Variants in DSCAM observed in about 807,000 individuals in gnomAD.
DSCAM encodes cell adhesion molecule DSCAM.
Under a neutral mutation model 217.7 loss-of-function variants are expected in DSCAM, and 47 were observed. The ratio of observed to expected loss-of-function variants is 0.22; its 90% CI spans 0.17 to 0.28. The LOEUF is 0.28. Ranked by LOEUF, DSCAM falls within the 10% of genes least tolerant of loss-of-function variation. The pLI, the probability that DSCAM is intolerant of heterozygous loss-of-function variation, is 1.00. For missense variants in DSCAM, 2,080 were observed against 2,618.3 expected (o/e 0.79, Z 4.49); for synonymous variants, 1,056 against 1,015.3 (o/e 1.04, Z -0.76).
At chr21:40,256,745 C>T (rs372973270) in intron 11 of DSCAM, among the ~76,000 whole-genome samples, 12 of 152,172 alleles carry the variant, frequency 7.9e-5, no homozygotes, top group Admixed American at 2.0e-4. Flanking sequence ...ACCTTCACAG[C>T]GACATCTAGG....
At chr21:40,228,119 C>T (rs576601365) in intron 11 of DSCAM, among the ~76,000 whole-genome samples, 8 of 152,178 alleles carry the variant, frequency 5.3e-5, no homozygotes, top group East Asian at 3.9e-4. Context: ...GGGCAAACTA[C>T]GGAGGTAAAG....
chr21:40,720,376 C>T (rs1239284327), intron 1 of DSCAM, among the ~76,000 whole-genome samples: 1 of 152,136 alleles, frequency 6.6e-6, no homozygotes, highest in Non-Finnish European at 1.5e-5. Flanking sequence ...TCATCTCGAT[C>T]AGACAATCAC....
intron 1 of DSCAM, among the ~76,000 whole-genome samples, chr21:40,720,088 G>A (rs2090885774): frequency 6.6e-6 from 1 of 152,184 alleles, no homozygotes; most frequent in Non-Finnish European, 1.5e-5. Context: ...CTTCAGAGAG[G>A]TCAGAAAACA....
At chr21:40,693,115 C>T (rs1033342967) in intron 2 of DSCAM, among the ~76,000 whole-genome samples, 159 bp from the exon 3 acceptor site, 3 of 152,184 alleles carry the variant, frequency 2.0e-5, no homozygotes, top group African/African-American at 4.8e-5. Context: ...TCTTTCATCG[C>T]CTGACTTAAG....
At chr21:40,137,171 T>C (rs1263590580) in intron 18 of DSCAM, among the ~76,000 whole-genome samples, 1 of 109,972 alleles carries the variant, frequency 9.1e-6, no homozygotes, top group African/African-American at 3.7e-5. Context: ...CGAGACTCTG[T>C]CTCAAGGAAA....
chr21:40,564,460 C>T lies in DSCAM; in HGVS notation c.508+128350G>A, dbSNP rs879619592. Among the ~76,000 whole-genome samples the T allele has an allele frequency of 4.1e-4, 62 of 152,150 alleles. 1 individual carries two copies. The highest frequency in any genetic ancestry group is 6.5e-4 in the Admixed American group (10 of 15,274). On this transcript the variant is annotated intron_variant, in intron 3 of 32. Coordinates refer to ENST00000400454, the MANE Select transcript of DSCAM (RefSeq NM_001389.5). ...AGGCAGTGTTGCTTTATTTACTCAG[C>T]GTTGACCTCCCACCACCCTCCTCCT...
chr21:40,675,336 A>G (rs2090326495), intron 3 of DSCAM, among the ~76,000 whole-genome samples: 1 of 152,210 alleles, frequency 6.6e-6, no homozygotes, highest in African/African-American at 2.4e-5. Flanking sequence ...AAATCTTTGA[A>G]TTAATCATGC....
intron 3 of DSCAM, among the ~76,000 whole-genome samples, chr21:40,402,049 C>CTTTTTTTTTTTT (rs71186933): frequency 1.7e-5 from 1 of 58,212 alleles, no homozygotes; most frequent in Non-Finnish European, 2.9e-5. Flanking sequence ...ATTCTTATTC[C>CTTTTTTTTTTTT]TTTTTTTTTT....
chr21:40,644,298 T>C (rs779168614), intron 3 of DSCAM, among the ~76,000 whole-genome samples: 41 of 152,288 alleles, frequency 2.7e-4, no homozygotes, highest in Non-Finnish European at 5.0e-4. Flanking sequence ...CAGTGTTTGG[T>C]GAGTCAAGTG....
chr21:40,617,909 G>A (rs1460530665), intron 3 of DSCAM, among the ~76,000 whole-genome samples: 2 of 152,328 alleles, frequency 1.3e-5, no homozygotes, highest in Non-Finnish European at 2.9e-5. Context: ...CAGAGGACGG[G>A]TGTTCCAACG....
At chr21:40,343,982 C>A (rs2074529946) in intron 6 of DSCAM, among the ~76,000 whole-genome samples, 1 of 151,922 alleles carries the variant, frequency 6.6e-6, no homozygotes, top group African/African-American at 2.4e-5. Context: ...CGGCTCACTG[C>A]AACCTCCACC....
intron 4 of DSCAM, among the ~76,000 whole-genome samples, chr21:40,368,728 T>A (rs1273239414): frequency 6.6e-6 from 1 of 152,250 alleles, no homozygotes; most frequent in Non-Finnish European, 1.5e-5. Flanking sequence ...GGCAATTTTA[T>A]ATTCTTCAGC....
intron 3 of DSCAM, among the ~76,000 whole-genome samples, chr21:40,496,417 C>T (rs1487379948): frequency 6.6e-6 from 1 of 152,160 alleles, no homozygotes; most frequent in African/African-American, 2.4e-5. Context: ...CAGGAACACA[C>T]ATTGAGGAAA....
At chr21:40,609,090 G>C (rs1011963886) in intron 3 of DSCAM, among the ~76,000 whole-genome samples, 2 of 152,120 alleles carry the variant, frequency 1.3e-5, no homozygotes, top group Middle Eastern at 3.2e-3. Flanking sequence ...GCATAGCTTG[G>C]ACTGCAGGTA....
intron 21 of DSCAM, among the ~76,000 whole-genome samples, chr21:40,089,740 G>A (rs2089580768): frequency 6.6e-6 from 1 of 152,020 alleles, no homozygotes; most frequent in Admixed American, 6.6e-5. Context: ...TGGGCTTCTG[G>A]GTGGGGGCTG....
In DSCAM at chr21:40,635,162, G is replaced by C. The variant is rs368877668; in HGVS notation, c.508+57648C>G. Among the ~76,000 whole-genome samples the C allele has an allele frequency of 7.5e-4, 114 of 152,272 alleles. 2 individuals carry two copies. Among genetic ancestry groups the C allele is most frequent in the African/African-American group, 2.5e-3 (105 of 41,540 alleles). Reference sequence around the variant, plus strand: ...GAAGAAGGGACACAGAGAGGGGACAGACAAGGCAGAAGAAAGAAGGGAAAT... The same window carrying C: ...GAAGAAGGGACACAGAGAGGGGACACACAAGGCAGAAGAAAGAAGGGAAAT... On this transcript the variant is annotated intron_variant, in intron 3 of 32. Transcript: ENST00000400454.
intron 11 of DSCAM, among the ~76,000 whole-genome samples, chr21:40,207,245 A>T (rs780125498): frequency 6.6e-6 from 1 of 152,246 alleles, no homozygotes; most frequent in Non-Finnish European, 1.5e-5. Flanking sequence ...AAATTTCAAT[A>T]TTAAAATACC....
intron 3 of DSCAM, among the ~76,000 whole-genome samples, chr21:40,497,626 G>T (rs1002688782): frequency 6.6e-6 from 1 of 152,128 alleles, no homozygotes; most frequent in Non-Finnish European, 1.5e-5. Context: ...GAAGTGTTCT[G>T]AGCATAAAAA....
chr21:40,370,671 G>A (rs8127811), intron 3 of DSCAM, among the ~76,000 whole-genome samples: 23,374 of 151,634 alleles, frequency 0.15, 2,526 homozygotes, highest in African/African-American at 0.27. Flanking sequence ...TCCAGGCTGT[G>A]GTGCAGTGGT....
Sources: gnomAD v4.1 joint callset for allele counts (sites outside exome capture counted in the v4.1 genomes callset) on GRCh38, gnomAD v4.1.1 for gene constraint, MANE v1.5 for transcripts, NCBI Gene and HGNC (gene_info 2026-07-23, HGNC 2026-07-21) for gene names.